The following ITGA11 variants were observed in gnomAD, a reference collection of about 807,000 sequenced individuals.
The protein encoded by ITGA11 is integrin subunit alpha 11.
ITGA11 carries 97 observed loss-of-function variants against 141.9 expected under a neutral mutation model. The observed-to-expected ratio is 0.68, with a 90% CI of 0.58 to 0.81. ITGA11 has a LOEUF of 0.81. ITGA11 is among the 30% of genes least tolerant of loss of function. ITGA11 has a pLI of 0.00. For synonymous variants in ITGA11, 658 were observed against 624.6 expected, an observed-to-expected ratio of 1.05 and a Z score of -0.80; for missense variants, 1,387 against 1,559.2, an observed-to-expected ratio of 0.89 and a Z score of 1.86.
chr15:68,416,417 G>A (rs998615435), intron 1 of ITGA11, among the ~76,000 whole-genome samples: 3 of 152,180 alleles, frequency 2.0e-5, no homozygotes, highest in African/African-American at 7.2e-5. Context: ...AGCAAGGGCT[G>A]GTGAGAGCCT....
rs894514434 is a variant in ITGA11 at position 68,299,604 on chromosome 15, A to G, written c.*3455T>C. ...GGAGACTGCTTCGTGGTGGTGAGGC[A>G]TGGGTGCAGTGAGTTGTTATGCCAG... On this transcript the variant is annotated 3_prime_UTR_variant, in exon 30 of 30. Coordinates refer to ENST00000315757, the MANE Select transcript of ITGA11 (RefSeq NM_001004439.2). The G allele has an allele frequency of 1.3e-5, 2 of 152,178 alleles. No homozygotes were observed. The highest frequency in any genetic ancestry group is 2.1e-4 in the South Asian group (1 of 4,822). The allele number at this position is 152,178 out of a possible 1,614,324, so 9.4% of individuals were successfully genotyped here. A position where few individuals can be genotyped will look rare whatever the true frequency, so the allele number is the denominator to read the frequency against.
intron 1 of ITGA11, among the ~76,000 whole-genome samples, chr15:68,425,240 A>G (rs950021303): frequency 2.6e-5 from 4 of 152,232 alleles, no homozygotes; most frequent in African/African-American, 9.6e-5. Context: ...CTTGGCCTGT[A>G]CAGTGGCTGA....
chr15:68,357,140 T>C lies in ITGA11; in HGVS notation c.749+11A>G. ...TCTAAAAAAATTTTTTTTGTTCTAC[T>C]TTTTTTTTACCGTGCAAATTCAATG... is the stretch of plus-strand genomic sequence containing the variant. On this transcript the variant is annotated intron_variant, in intron 7 of 29. Transcript: ENST00000315757. The C allele has an allele frequency of 6.5e-7, 1 of 1,526,792 alleles. No individual in the cohort carries two copies. Among genetic ancestry groups the C allele is most frequent in the Non-Finnish European group, 8.9e-7 (1 of 1,128,268 alleles). The allele number at this position is 1,526,792 out of a possible 1,614,324, so 94.6% of individuals were successfully genotyped here.
chr15:68,394,999 C>A (rs1896197713), intron 2 of ITGA11, among the ~76,000 whole-genome samples: 1 of 152,138 alleles, frequency 6.6e-6, no homozygotes, highest in African/African-American at 2.4e-5. Flanking sequence ...TTCTGCATAT[C>A]CAACTGAGCC....
Position 68,322,930 on chromosome 15 carries a change from T to C in ITGA11, c.2323-1427A>G, listed in dbSNP as rs911676749. ...CGGCATGTTGAGTTTGAAGTGCCTG[T>C]GGCCCACCCAGGGCGAGGACCTCAG... is the stretch of plus-strand genomic sequence containing the variant. On this transcript the variant is annotated intron_variant, in intron 18 of 29. Coordinates refer to ENST00000315757, the MANE Select transcript of ITGA11 (RefSeq NM_001004439.2). This position sits in a 1 kb window ranked among gnomAD's most constrained non-coding sequence, Gnocchi z 5.6. Among the ~76,000 whole-genome samples the C allele has an allele frequency of 4.6e-5, 7 of 151,422 alleles. No individual in the cohort carries two copies. The highest frequency in any genetic ancestry group is 1.7e-4 in the African/African-American group (7 of 41,308).
At chr15:68,414,805 C>T (rs1207195822) in intron 1 of ITGA11, among the ~76,000 whole-genome samples, 2 of 152,186 alleles carry the variant, frequency 1.3e-5, no homozygotes, top group African/African-American at 4.8e-5. Context: ...AAGTGTCCCT[C>T]AGCCTCAAGC....
rs116087271 is a variant in ITGA11 at position 68,376,190 on chromosome 15, G to A, written c.165-6906C>T. ...CAACAAAATCCACCCTCTTCACCAC[G>A]CCTTCTGAGGCTCTAGATCACCTCA... On this transcript the variant is annotated intron_variant, in intron 2 of 29. Coordinates refer to ENST00000315757, the MANE Select transcript of ITGA11 (RefSeq NM_001004439.2). Among the ~76,000 whole-genome samples, 405 of 151,136 alleles carry A rather than the reference G, an allele frequency of 2.7e-3. 3 individuals are homozygous for A. Among genetic ancestry groups the A allele is most frequent in the African/African-American group, 9.4e-3 (387 of 41,264 alleles).
intron 3 of ITGA11, among the ~76,000 whole-genome samples, chr15:68,368,172 C>T (rs1005748548): frequency 6.6e-6 from 1 of 152,212 alleles, no homozygotes; most frequent in South Asian, 2.1e-4. Flanking sequence ...CAGTGAGACC[C>T]TGCTGCCCTT....
Position 68,414,723 on chromosome 15 carries a change from G to A in ITGA11, c.53-11694C>T, listed in dbSNP as rs568834667. On this transcript the variant is annotated intron_variant, in intron 1 of 29. Transcript: ENST00000315757. ...GGGCAGGCCAACGGCCAGGGCCTCC[G>A]CAAGTATCTATCAGATTGGCTTTTG... Among the ~76,000 whole-genome samples the A allele has an allele frequency of 2.0e-5, 3 of 152,290 alleles. No individual in the cohort carries two copies. In the East Asian group the frequency reaches 5.8e-4, roughly 29 times the overall value.
At chr15:68,408,227 T>C (rs1264601624) in intron 1 of ITGA11, among the ~76,000 whole-genome samples, 1 of 151,752 alleles carries the variant, frequency 6.6e-6, no homozygotes, top group African/African-American at 2.4e-5. Flanking sequence ...CCAGCATAAA[T>C]GCAAATCCTC....
chr15:68,408,426 A>G (rs1896695906), intron 1 of ITGA11, among the ~76,000 whole-genome samples: 1 of 152,124 alleles, frequency 6.6e-6, no homozygotes, highest in Non-Finnish European at 1.5e-5. Flanking sequence ...CGCAGGCTCC[A>G]TGAGGGCAGG....
intron 2 of ITGA11, among the ~76,000 whole-genome samples, chr15:68,386,232 T>C (rs2140383848): frequency 6.6e-6 from 1 of 152,286 alleles, no homozygotes; most frequent in South Asian, 2.1e-4. Context: ...ATCTGCTGTG[T>C]CATGCCAAGC....
At chr15:68,422,063 G>A (rs1897031520) in intron 1 of ITGA11, among the ~76,000 whole-genome samples, 1 of 152,174 alleles carries the variant, frequency 6.6e-6, no homozygotes, top group African/African-American at 2.4e-5. Context: ...CTTTAAGTTT[G>A]GGGCATGAAT....
Position 68,328,086 on chromosome 15 carries a change from C to A in ITGA11, c.2068+10G>T, listed in dbSNP as rs1894037737. On this transcript the variant is annotated intron_variant, in intron 16 of 29. Coordinates refer to ENST00000315757, the MANE Select transcript of ITGA11 (RefSeq NM_001004439.2). The surrounding 1 kb of genome is among the most constrained non-coding windows in gnomAD (Gnocchi z 4.8). ...TCTGGGGGTGGGGAGAAAGGAGGGG[C>A]CTGCTTTACCAACAGTTGTTGTTTG... 1 of 1,611,084 alleles carries A rather than the reference C, an allele frequency of 6.2e-7. No homozygotes were observed. The highest frequency in any genetic ancestry group is 1.7e-5 in the Admixed American group (1 of 59,692).
chr15:68,410,580 G>T (rs1031844634), intron 1 of ITGA11, among the ~76,000 whole-genome samples: 5 of 152,218 alleles, frequency 3.3e-5, no homozygotes, highest in African/African-American at 1.2e-4. Context: ...GCTTCAGATG[G>T]CTGGCTGTTT....
Position 68,328,373 on chromosome 15 carries a change from A to T in ITGA11, c.1902-111T>A. 4.5e-5 allele frequency: 20 copies of T among 441,868 alleles called. No homozygotes were observed. The highest frequency in any genetic ancestry group is 1.7e-4 in the East Asian group (2 of 11,918). The allele number at this position is 441,868 out of a possible 1,614,324, so 27.4% of individuals were successfully genotyped here. On this transcript the variant is annotated intron_variant, in intron 15 of 29. Coordinates refer to ENST00000315757, the MANE Select transcript of ITGA11 (RefSeq NM_001004439.2). This position sits in a 1 kb window ranked among gnomAD's most constrained non-coding sequence, Gnocchi z 4.8. ...CGAGTGGGATCTGCAAAGCCACTGG[A>T]GGGGGTGAGGTGGAGGATGGAGGGG...
At chr15:68,380,921 G>A (rs958686689) in intron 2 of ITGA11, among the ~76,000 whole-genome samples, 9 of 152,112 alleles carry the variant, frequency 5.9e-5, no homozygotes, top group South Asian at 4.1e-4. Flanking sequence ...ACAGACAGAC[G>A]GTTGGATGCC....
intron 2 of ITGA11, 46 bp from the exon 3 acceptor site, chr15:68,369,330 T>C: frequency 8.1e-7 from 1 of 1,235,718 alleles, no homozygotes; most frequent in Non-Finnish European, 1.1e-6. Context: ...GGAGGTACTC[T>C]TTCCTGGCAG....
Position 68,425,473 on chromosome 15 carries a change from C to T in ITGA11, c.52+6542G>A, listed in dbSNP as rs140503266. Among the ~76,000 whole-genome samples, 29 of 152,300 alleles carry T rather than the reference C, an allele frequency of 1.9e-4. No individual in the cohort carries two copies. The South Asian group carries it at 2.3e-3, about 12-fold the overall frequency. Reference sequence around the variant, plus strand: ...TTTATTATGGCCACCAATCTCTGAACGCAGGGGCTATGCATAGTGCCAGGG... The same window carrying T: ...TTTATTATGGCCACCAATCTCTGAATGCAGGGGCTATGCATAGTGCCAGGG... On this transcript the variant is annotated intron_variant, in intron 1 of 29. Transcript: ENST00000315757.
Sources: gnomAD v4.1 joint callset for allele counts (sites outside exome capture counted in the v4.1 genomes callset) on GRCh38, gnomAD v4.1.1 for gene constraint, Gnocchi (gnomAD v3.1) non-coding constraint, MANE v1.5 for transcripts, NCBI Gene and HGNC (gene_info 2026-07-23, HGNC 2026-07-21) for gene names.